MKX: variants seen among roughly 807,000 people sequenced by gnomAD.
The protein encoded by MKX is homeobox protein Mohawk.
In MKX, 13 loss-of-function variants were observed where a neutral mutation model predicts 36.0. That is an observed-to-expected ratio of 0.36 (90% confidence interval 0.24 to 0.57). MKX has a LOEUF of 0.57. Ranked by LOEUF, MKX falls within the 20% of genes least tolerant of loss-of-function variation. The pLI is 0.79. For synonymous variants in MKX, 176 were observed against 178.3 expected, an observed-to-expected ratio of 0.99 and a Z score of 0.10; for missense variants, 458 against 456.4, an observed-to-expected ratio of 1.00 and a Z score of -0.03.
chr10:27,729,090 G>A lies in MKX; in HGVS notation c.838+5366C>T, dbSNP rs535589608. ...CATCAAGCAGATGGGAAGTTAGCCC[G>A]ATTAATTCATACTAACATAGAAAAC... is the stretch of plus-strand genomic sequence containing the variant. On this transcript the variant is annotated intron_variant, in intron 5 of 6. Transcript: ENST00000419761. Among the ~76,000 whole-genome samples, 4 of 152,274 alleles carry A rather than the reference G, an allele frequency of 2.6e-5. No individual in the cohort carries two copies. In the South Asian group the frequency reaches 6.2e-4, roughly 24 times the overall value.
intron 5 of MKX, among the ~76,000 whole-genome samples, chr10:27,714,572 C>T (rs995676822): frequency 2.0e-5 from 3 of 152,100 alleles, no homozygotes; most frequent in Non-Finnish European, 4.4e-5. Context: ...ATTATATTTT[C>T]CAGTGATTTC....
chr10:27,711,483 C>CTTTTTCTT (rs1391922537), intron 5 of MKX, among the ~76,000 whole-genome samples: 1,320 of 63,232 alleles, frequency 0.021, 84 homozygotes, highest in African/African-American at 0.071. Flanking sequence ...TTCTTTCTTT[C>CTTTTTCTT]TCTCTCTCTC....
intron 3 of MKX, among the ~76,000 whole-genome samples, chr10:27,740,594 C>T (rs1424012953): frequency 1.3e-5 from 2 of 152,132 alleles, no homozygotes; most frequent in East Asian, 3.9e-4. Flanking sequence ...AAAAGCTAGT[C>T]AAATGTAAAG....
intron 5 of MKX, among the ~76,000 whole-genome samples, chr10:27,707,367 A>C (rs556491216): frequency 9.8e-5 from 15 of 152,308 alleles, no homozygotes; most frequent in Non-Finnish European, 1.3e-4. Context: ...TTTTGATTAA[A>C]AAAACGAAAT....
chr10:27,695,988 A>T (rs1241535444), intron 5 of MKX, among the ~76,000 whole-genome samples: 1 of 150,136 alleles, frequency 6.7e-6, no homozygotes, highest in Non-Finnish European at 1.5e-5. Flanking sequence ...AAAAATAATA[A>T]CCTATTAGCT....
intron 5 of MKX, among the ~76,000 whole-genome samples, chr10:27,729,861 G>A (rs769482293): frequency 1.1e-4 from 16 of 151,888 alleles, no homozygotes; most frequent in Admixed American, 5.2e-4. Context: ...TCTGTAAGGC[G>A]GCAAAAACGG....
chr10:27,734,847 C>A, intron 4 of MKX, 56 bp from the exon 5 acceptor site: 1 of 1,126,426 alleles, frequency 8.9e-7, no homozygotes, highest in South Asian at 1.9e-5. Flanking sequence ...CCCCAGCCAC[C>A]CAACTCTTAT....
intron 5 of MKX, among the ~76,000 whole-genome samples, chr10:27,719,193 A>T (rs1442691979): frequency 6.6e-6 from 1 of 152,198 alleles, no homozygotes; most frequent in African/African-American, 2.4e-5. Context: ...TGAGAAATTC[A>T]TGGAAAGGAA....
At chr10:27,675,459 A>T (rs372458622) in intron 6 of MKX, 44 bp from the exon 7 acceptor site, 1 of 1,614,150 alleles carries the variant, frequency 6.2e-7, no homozygotes, top group Non-Finnish European at 8.5e-7. Flanking sequence ...AACTCACTGC[A>T]GTTTGCATTG....
chr10:27,681,816 G>C (rs1327090502), intron 5 of MKX, among the ~76,000 whole-genome samples: 1 of 152,078 alleles, frequency 6.6e-6, no homozygotes, highest in African/African-American at 2.4e-5. Flanking sequence ...CAGCTACCTG[G>C]GAGGTTGAGG....
rs546465144 is a variant in MKX at position 27,743,545 on chromosome 10, G to C, written c.-82-48C>G. On this transcript the variant is annotated intron_variant, in intron 1 of 6. Transcript: ENST00000419761. Reference sequence around the variant, plus strand: ...GTTACTTACTGGCTGAGAGTGCTCAGACCCCTGCAGGTTCAGGGCCTTGAA... The same window carrying C: ...GTTACTTACTGGCTGAGAGTGCTCACACCCCTGCAGGTTCAGGGCCTTGAA... 3.9e-6 allele frequency: 4 copies of C among 1,021,564 alleles called. No individual in the cohort carries two copies. The South Asian group carries it at 7.9e-5, about 20-fold the overall frequency. The allele number at this position is 1,021,564 out of a possible 1,614,324, so 63.3% of individuals were successfully genotyped here.
intron 5 of MKX, among the ~76,000 whole-genome samples, chr10:27,696,854 G>A (rs1836563678): frequency 6.6e-6 from 1 of 152,168 alleles, no homozygotes. Context: ...TCTTACTCAA[G>A]AAGAGTATGG....
intron 5 of MKX, among the ~76,000 whole-genome samples, chr10:27,689,027 C>G (rs1045600164): frequency 3.3e-5 from 5 of 152,212 alleles, no homozygotes; most frequent in Admixed American, 3.3e-4. Context: ...CTCAGTATCT[C>G]TGAAAAACCA....
chr10:27,702,563 A>G (rs1179553462), intron 5 of MKX, among the ~76,000 whole-genome samples: 6 of 152,322 alleles, frequency 3.9e-5, no homozygotes, highest in South Asian at 4.1e-4. Flanking sequence ...CGAAGTTATT[A>G]TATATTCAGT....
chr10:27,738,698 A>G (rs1329756001), intron 3 of MKX, among the ~76,000 whole-genome samples: 1 of 152,080 alleles, frequency 6.6e-6, no homozygotes, highest in Non-Finnish European at 1.5e-5. Context: ...GGGAAAACTA[A>G]ATAATATTCA....
At chr10:27,730,594 A>T (rs1834602935) in intron 5 of MKX, among the ~76,000 whole-genome samples, 1 of 151,142 alleles carries the variant, frequency 6.6e-6, no homozygotes, top group Non-Finnish European at 1.5e-5. Context: ...AGTAGCTGGG[A>T]TTAGAGGCGC....
chr10:27,684,504 A>G (rs932352665), intron 5 of MKX, among the ~76,000 whole-genome samples: 3 of 152,222 alleles, frequency 2.0e-5, no homozygotes, highest in African/African-American at 7.2e-5. Flanking sequence ...CCTTCCAAAC[A>G]AGTATTATAC....
chr10:27,676,215 A>G (rs1836146018), intron 5 of MKX, among the ~76,000 whole-genome samples: 1 of 151,048 alleles, frequency 6.6e-6, no homozygotes, highest in Admixed American at 6.6e-5. Context: ...GTGAAGGTGC[A>G]GTAAGCAGTG....
At chr10:27,735,438 C>T (rs1479784497) in intron 3 of MKX, 64 bp from the exon 4 acceptor site, 2 of 1,416,680 alleles carry the variant, frequency 1.4e-6, no homozygotes, top group Admixed American at 3.9e-5. Flanking sequence ...CGATTATTTT[C>T]TCATAAAGGA....
Sources: allele counts gnomAD v4.1 joint callset (sites outside exome capture counted in the v4.1 genomes callset), GRCh38; gene constraint gnomAD v4.1.1; transcripts MANE v1.5; gene names NCBI Gene and HGNC (gene_info 2026-07-23, HGNC 2026-07-21).